FSTL5: variants seen among roughly 807,000 people sequenced by gnomAD.
FSTL5 encodes follistatin-related protein 5.
Under a neutral mutation model 89.1 loss-of-function variants are expected in FSTL5, and 62 were observed. That is an observed-to-expected ratio of 0.70 (90% confidence interval 0.57 to 0.86). The LOEUF is 0.86. FSTL5 is among the 40% of genes least tolerant of loss of function. FSTL5 has a pLI of 0.00. For synonymous variants in FSTL5, 383 were observed against 346.2 expected (o/e 1.11, Z -1.18); for missense variants, 1,057 against 1,001.6 (o/e 1.06, Z -0.75).
chr4:161,801,677 C>A (rs1729797842), intron 4 of FSTL5, among the ~76,000 whole-genome samples: 1 of 150,594 alleles, frequency 6.6e-6, no homozygotes, highest in Non-Finnish European at 1.5e-5. Flanking sequence ...TATTTTATTT[C>A]TGTATTATAT....
At chr4:161,533,235 C>T (rs937914565) in intron 10 of FSTL5, among the ~76,000 whole-genome samples, 6 of 147,676 alleles carry the variant, frequency 4.1e-5, no homozygotes, top group African/African-American at 1.2e-4. Flanking sequence ...GAGAGAAGAA[C>T]TGAACAAAAT....
chr4:162,020,808 A>C (rs1290924393), intron 3 of FSTL5, among the ~76,000 whole-genome samples: 3 of 152,110 alleles, frequency 2.0e-5, no homozygotes, highest in Non-Finnish European at 2.9e-5. Context: ...AAAACAAGCA[A>C]AGATAAAAGT....
At chr4:161,535,782 C>A (rs1042606786) in intron 10 of FSTL5, among the ~76,000 whole-genome samples, 1 of 152,050 alleles carries the variant, frequency 6.6e-6, no homozygotes, top group African/African-American at 2.4e-5. Flanking sequence ...CAGACACATG[C>A]ACTTGCATGT....
At position 161,803,031 on chromosome 4, in the gene FSTL5, A is replaced by T. The variant is rs538757427; in HGVS notation, c.410-26957T>A. On this transcript the variant is annotated intron_variant, in intron 4 of 15. Transcript: ENST00000306100. ...TTTAGTGTTCTTGTTTTAAAAATTT[A>T]AAAGTGAATTAATTTGCCGCTGTGT... Among the ~76,000 whole-genome samples the T allele has an allele frequency of 4.6e-5, 7 of 152,092 alleles. No homozygotes were observed. In the East Asian group the frequency reaches 1.2e-3, roughly 25 times the overall value.
chr4:161,519,827 T>C (rs554487027), intron 10 of FSTL5, among the ~76,000 whole-genome samples: 1 of 152,310 alleles, frequency 6.6e-6, no homozygotes, highest in Non-Finnish European at 1.5e-5. Flanking sequence ...ATTTTAAGTA[T>C]GTGGCAAGCA....
chr4:161,840,070 T>C (rs1177964705), intron 4 of FSTL5, among the ~76,000 whole-genome samples: 1 of 152,168 alleles, frequency 6.6e-6, no homozygotes, highest in Admixed American at 6.6e-5. Flanking sequence ...TTTAATACTG[T>C]TGATAATGTT....
chr4:161,886,647 A>G (rs1220209237), intron 4 of FSTL5, among the ~76,000 whole-genome samples: 1 of 152,200 alleles, frequency 6.6e-6, no homozygotes, highest in Non-Finnish European at 1.5e-5. Context: ...AACGGATTTC[A>G]TTTCCATATC....
At chr4:161,760,685 T>C (rs973258127) in intron 5 of FSTL5, among the ~76,000 whole-genome samples, 2 of 152,200 alleles carry the variant, frequency 1.3e-5, no homozygotes, top group African/African-American at 4.8e-5. Flanking sequence ...CTTTAAATAA[T>C]TCACTGCAGA....
intron 4 of FSTL5, among the ~76,000 whole-genome samples, chr4:161,864,313 G>A (rs529522357): frequency 2.0e-5 from 3 of 152,036 alleles, no homozygotes; most frequent in East Asian, 1.9e-4. Context: ...GGCTTGAATC[G>A]CATCCCTGAT....
intron 4 of FSTL5, among the ~76,000 whole-genome samples, chr4:161,899,167 A>G (rs1041317765): frequency 5.9e-5 from 9 of 152,156 alleles, no homozygotes; most frequent in African/African-American, 2.2e-4. Context: ...ATGGGATTCT[A>G]ATCAGAATTT....
chr4:162,142,968 A>C (rs529842275), intron 1 of FSTL5, among the ~76,000 whole-genome samples: 1 of 152,280 alleles, frequency 6.6e-6, no homozygotes, highest in African/African-American at 2.4e-5. Flanking sequence ...AGTAATGACA[A>C]CTGTTACTAT....
chr4:161,584,920 C>T (rs1340196973), intron 8 of FSTL5, among the ~76,000 whole-genome samples: 1 of 152,122 alleles, frequency 6.6e-6, no homozygotes, highest in Non-Finnish European at 1.5e-5. Context: ...GGTTCAGGGA[C>T]CCTTGTACCT....
At chr4:161,908,978 C>T (rs758357787) in intron 4 of FSTL5, among the ~76,000 whole-genome samples, 2 of 152,082 alleles carry the variant, frequency 1.3e-5, no homozygotes, top group Admixed American at 6.6e-5. Context: ...GCTCATTGAC[C>T]GGAAATGGAA....
intron 1 of FSTL5, among the ~76,000 whole-genome samples, chr4:162,123,543 G>A (rs2111438973): frequency 6.6e-6 from 1 of 152,236 alleles, no homozygotes; most frequent in African/African-American, 2.4e-5. Context: ...ATGGAAAGTG[G>A]AGAGTAAACT....
chr4:161,620,517 G>A (rs773084046), intron 7 of FSTL5, among the ~76,000 whole-genome samples: 168 of 152,108 alleles, frequency 1.1e-3, no homozygotes, highest in Non-Finnish European at 2.1e-3. Context: ...TTAGCCGGGC[G>A]CGGTGGCAGG....
At chr4:161,390,745 T>C (rs1730794420) in intron 15 of FSTL5, among the ~76,000 whole-genome samples, 4 of 152,052 alleles carry the variant, frequency 2.6e-5, no homozygotes, top group Admixed American at 1.3e-4. Context: ...TTAAAGCTCG[T>C]AAGTATAGAA....
At chr4:161,762,358 G>A (rs1299950557) in intron 5 of FSTL5, among the ~76,000 whole-genome samples, 1 of 152,156 alleles carries the variant, frequency 6.6e-6, no homozygotes. Flanking sequence ...TCAGTCCACA[G>A]TAACCACTCG....
chr4:161,526,154 G>C (rs866112732), intron 10 of FSTL5, among the ~76,000 whole-genome samples: 6 of 152,166 alleles, frequency 3.9e-5, no homozygotes, highest in Middle Eastern at 3.4e-3. Flanking sequence ...ACATAACTCT[G>C]AAATTACATT....
intron 3 of FSTL5, among the ~76,000 whole-genome samples, chr4:161,946,035 T>C (rs75728539): frequency 0.016 from 2,363 of 152,258 alleles, 68 homozygotes; most frequent in African/African-American, 0.052. Context: ...AAATAACATA[T>C]GGTATATATT....
Sources: gnomAD v4.1 joint callset for allele counts (sites outside exome capture counted in the v4.1 genomes callset) on GRCh38, gnomAD v4.1.1 for gene constraint, MANE v1.5 for transcripts, NCBI Gene and HGNC (gene_info 2026-07-23, HGNC 2026-07-21) for gene names.